Variants in HS3ST5 observed in about 807,000 individuals in gnomAD.
HS3ST5 encodes the protein heparan sulfate-glucosamine 3-sulfotransferase 5.
Under a neutral mutation model 25.4 loss-of-function variants are expected in HS3ST5, and 10 were observed. That is an observed-to-expected ratio of 0.39 (90% confidence interval 0.24 to 0.67). The LOEUF is 0.67. HS3ST5 is among the 30% of genes least tolerant of loss of function. The probability of loss-of-function intolerance (pLI) is 0.44; values close to 1 mark genes in which losing one functional copy is unlikely to be tolerated. For synonymous variants in HS3ST5, 170 were observed against 162.4 expected, an observed-to-expected ratio of 1.05 and a Z score of -0.36; for missense variants, 324 against 420.7, an observed-to-expected ratio of 0.77 and a Z score of 2.01.
intron 1 of HS3ST5, among the ~76,000 whole-genome samples, chr6:114,303,498 A>G (rs1466705551): frequency 6.6e-6 from 1 of 151,724 alleles, no homozygotes; most frequent in African/African-American, 2.4e-5. Flanking sequence ...TATGGCTTCC[A>G]CCTGATTTAA....
chr6:114,309,311 T>C (rs1775433362), intron 1 of HS3ST5, among the ~76,000 whole-genome samples: 1 of 152,208 alleles, frequency 6.6e-6, no homozygotes, highest in Admixed American at 6.5e-5. Context: ...TAAGCAGTAA[T>C]AGGTAAAAAC....
intron 3 of HS3ST5, among the ~76,000 whole-genome samples, chr6:114,109,637 T>C (rs1711627185): frequency 6.6e-6 from 1 of 152,084 alleles, no homozygotes; most frequent in African/African-American, 2.4e-5. Flanking sequence ...CCCTCATCGC[T>C]CTCCTTTCTG....
intron 1 of HS3ST5, among the ~76,000 whole-genome samples, chr6:114,258,847 G>A (rs576722863): frequency 6.6e-6 from 1 of 152,124 alleles, no homozygotes; most frequent in South Asian, 2.1e-4. Context: ...CAACTGAATT[G>A]CTAGCTCCAG....
chr6:114,188,896 A>G (rs1188338377), intron 2 of HS3ST5, among the ~76,000 whole-genome samples: 1 of 152,114 alleles, frequency 6.6e-6, no homozygotes, highest in Non-Finnish European at 1.5e-5. Flanking sequence ...CTTTTGGAGA[A>G]ATCTCTTAGA....
intron 3 of HS3ST5, among the ~76,000 whole-genome samples, chr6:114,138,087 T>C (rs1317891756): frequency 1.3e-5 from 2 of 152,114 alleles, no homozygotes; most frequent in Admixed American, 6.6e-5. Flanking sequence ...TGAAGTCACA[T>C]TGGTCAGATG....
intron 2 of HS3ST5, among the ~76,000 whole-genome samples, chr6:114,205,624 G>A (rs147060939): frequency 2.0e-3 from 309 of 152,206 alleles, no homozygotes; most frequent in African/African-American, 7.2e-3. Context: ...TCAACTGGTG[G>A]GGCTGAAAGG....
chr6:114,338,303 C>CACATTGTGTATATATATACATACATAT (rs71553398), intron 1 of HS3ST5, among the ~76,000 whole-genome samples: 13,373 of 150,548 alleles, frequency 0.089, 741 homozygotes, highest in Non-Finnish European at 0.13. Flanking sequence ...TATATACATA[C>CACATTGTGTATATATATACATACATAT]ACATTGTGTA....
intron 3 of HS3ST5, among the ~76,000 whole-genome samples, chr6:114,124,929 A>G (rs1179770538): frequency 6.6e-6 from 1 of 152,176 alleles, no homozygotes; most frequent in Non-Finnish European, 1.5e-5. Context: ...CCATGGGGTG[A>G]GTCTAGTTGT....
chr6:114,205,341 T>C (rs1436791513), intron 2 of HS3ST5, among the ~76,000 whole-genome samples: 1 of 152,074 alleles, frequency 6.6e-6, no homozygotes, highest in Non-Finnish European at 1.5e-5. Context: ...GTACTTACAA[T>C]AACCAGCCTA....
intron 3 of HS3ST5, among the ~76,000 whole-genome samples, chr6:114,067,020 C>CT (rs1273364729): frequency 2.6e-5 from 4 of 152,330 alleles, no homozygotes; most frequent in Admixed American, 2.0e-4. Context: ...GCCTCTGAGC[C>CT]TGTCAGGTCA....
intron 1 of HS3ST5, among the ~76,000 whole-genome samples, chr6:114,341,380 A>C (rs1400043059): frequency 6.6e-6 from 1 of 152,086 alleles, no homozygotes; most frequent in Non-Finnish European, 1.5e-5. Flanking sequence ...ACCAAGGTGA[A>C]GTGACTCCGG....
intron 2 of HS3ST5, among the ~76,000 whole-genome samples, chr6:114,191,294 T>A (rs2114301170): frequency 6.6e-6 from 1 of 152,332 alleles, no homozygotes; most frequent in African/African-American, 2.4e-5. Context: ...GAAAATATAC[T>A]TAAATGTATA....
At chr6:114,177,801 C>A (rs1779792272) in intron 2 of HS3ST5, among the ~76,000 whole-genome samples, 1 of 152,090 alleles carries the variant, frequency 6.6e-6, no homozygotes, top group Non-Finnish European at 1.5e-5. Context: ...AAGCAACAAA[C>A]TCTGTAAAAT....
chr6:114,213,101 A>C (rs1379671524), intron 2 of HS3ST5, among the ~76,000 whole-genome samples: 2 of 151,890 alleles, frequency 1.3e-5, no homozygotes, highest in Non-Finnish European at 2.9e-5. Context: ...CGGGATGGAG[A>C]GCTAGAAAGG....
At chr6:114,150,116 T>G (rs1159943966) in intron 3 of HS3ST5, among the ~76,000 whole-genome samples, 2 of 152,246 alleles carry the variant, frequency 1.3e-5, no homozygotes, top group African/African-American at 4.8e-5. Context: ...CCATTAAATA[T>G]TCTTACTGAA....
intron 2 of HS3ST5, among the ~76,000 whole-genome samples, chr6:114,180,147 A>G (rs1779904665): frequency 6.6e-6 from 1 of 152,102 alleles, no homozygotes; most frequent in Non-Finnish European, 1.5e-5. Flanking sequence ...ACACCCAGAA[A>G]CACCCAGATA....
chr6:114,280,653 C>A (rs1305215249), intron 1 of HS3ST5, among the ~76,000 whole-genome samples: 1 of 151,926 alleles, frequency 6.6e-6, no homozygotes, highest in Non-Finnish European at 1.5e-5. Context: ...ATTATTTTCC[C>A]CATTCAAAAG....
At chr6:114,296,396 T>C (rs1479538316) in intron 1 of HS3ST5, among the ~76,000 whole-genome samples, 2 of 152,202 alleles carry the variant, frequency 1.3e-5, no homozygotes, top group African/African-American at 4.8e-5. Context: ...AACATGTCTA[T>C]AGTACATATG....
intron 3 of HS3ST5, among the ~76,000 whole-genome samples, chr6:114,162,023 ACAT>A (rs1481820586): frequency 6.6e-6 from 1 of 152,118 alleles, no homozygotes; most frequent in Non-Finnish European, 1.5e-5. Context: ...GGTAAATGAA[ACAT>A]CATTTTTTAG....
Sources: gnomAD v4.1 joint callset for allele counts (sites outside exome capture counted in the v4.1 genomes callset) on GRCh38, gnomAD v4.1.1 for gene constraint, MANE v1.5 for transcripts, NCBI Gene and HGNC (gene_info 2026-07-23, HGNC 2026-07-21) for gene names.